RABGAP1L: variants seen among roughly 807,000 people sequenced by gnomAD.
RABGAP1L encodes the protein rab GTPase-activating protein 1-like.
A neutral mutation model predicts 137.7 loss-of-function variants in RABGAP1L; 63 were observed. That is an observed-to-expected ratio of 0.46 (90% CI 0.37 to 0.56). RABGAP1L has a LOEUF of 0.56. RABGAP1L is among the 20% of genes least tolerant of loss of function. RABGAP1L has a pLI of 0.00. For missense variants in RABGAP1L, 1,095 were observed against 1,244.0 expected (o/e 0.88, Z 1.80); for synonymous variants, 431 against 433.7 (o/e 0.99, Z 0.08).
intron 24 of RABGAP1L, among the ~76,000 whole-genome samples, chr1:174,984,121 C>T (rs1206818883): frequency 2.7e-5 from 4 of 148,664 alleles, no homozygotes; most frequent in Non-Finnish European, 4.4e-5. Context: ...CATAGGTATA[C>T]GTGTGCCATG....
In RABGAP1L at chr1:174,219,181, G is replaced by A. The variant is rs779367893; in HGVS notation, c.24G>A (p.Gln8=). MEVRASL[Q]KVSGSSDSVA... Reference sequence around the variant, plus strand: ...AAATGGAGGTCAGAGCTTCATTACAGAAGGTTAGTGGATCATCTGATTCTG... The same window carrying A: ...AAATGGAGGTCAGAGCTTCATTACAAAAGGTTAGTGGATCATCTGATTCTG... The change falls in exon 2 of 26, where the codon CAG becomes CAA. Residue 8 remains glutamine, a synonymous_variant. Transcript: ENST00000681986. 1.6e-5 allele frequency: 25 copies of A among 1,604,242 alleles called. No individual in the cohort carries two copies. The highest frequency in any genetic ancestry group is 2.1e-5 in the Non-Finnish European group (25 of 1,175,226).
At chr1:174,877,148 T>C (rs1653257213) in intron 19 of RABGAP1L, among the ~76,000 whole-genome samples, 1 of 152,162 alleles carries the variant, frequency 6.6e-6, no homozygotes, top group South Asian at 2.1e-4. Flanking sequence ...TGCTATAGGA[T>C]ATTTCTAGTT....
chr1:174,628,566 C>T lies in RABGAP1L; in HGVS notation c.1711-8809C>T, dbSNP rs1052103799. Among the ~76,000 whole-genome samples, 10 of 152,084 alleles carry T rather than the reference C, an allele frequency of 6.6e-5. No individual in the cohort carries two copies. In the East Asian group the frequency reaches 1.7e-3, roughly 26 times the overall value. ...CATTATGCATTTGATATTATCATCC[C>T]ATTTTACACATGAGGAAACTGTAGT... is the stretch of plus-strand genomic sequence containing the variant. On this transcript the variant is annotated intron_variant, in intron 13 of 25. Coordinates refer to ENST00000681986, the MANE Select transcript of RABGAP1L (RefSeq NM_001366446.1).
intron 13 of RABGAP1L, among the ~76,000 whole-genome samples, chr1:174,451,967 T>C (rs1655501007): frequency 6.6e-6 from 1 of 152,198 alleles, no homozygotes; most frequent in Admixed American, 6.5e-5. Flanking sequence ...AAAGGCTTTA[T>C]CATAGGCTGA....
intron 13 of RABGAP1L, among the ~76,000 whole-genome samples, chr1:174,539,367 T>A (rs1265562601): frequency 2.0e-5 from 3 of 152,222 alleles, no homozygotes; most frequent in South Asian, 4.2e-4. Context: ...TATGTATACA[T>A]GTGCCACGTG....
At position 174,300,956 on chromosome 1, in the gene RABGAP1L, T is replaced by G. The variant is rs1677645260; in HGVS notation, c.1324-4030T>G. 2.6e-5 allele frequency among the ~76,000 whole-genome samples: 4 copies of G among 152,270 alleles called. No homozygotes were observed. The South Asian group carries it at 8.3e-4, about 32-fold the overall frequency. On this transcript the variant is annotated intron_variant, in intron 10 of 25. Coordinates refer to ENST00000681986, the MANE Select transcript of RABGAP1L (RefSeq NM_001366446.1). ...TGACACAGGATTTTTCTTGGTCACTTTGCCAGTCGGAGACCTCTGGTTGGT... is the reference window on the plus strand; with the variant it reads ...TGACACAGGATTTTTCTTGGTCACTGTGCCAGTCGGAGACCTCTGGTTGGT...
intron 19 of RABGAP1L, among the ~76,000 whole-genome samples, chr1:174,869,520 C>A (rs1213220452): frequency 6.6e-6 from 1 of 152,190 alleles, no homozygotes; most frequent in Non-Finnish European, 1.5e-5. Flanking sequence ...CCATGTAGAA[C>A]TGTGAGTCAA....
intron 12 of RABGAP1L, among the ~76,000 whole-genome samples, chr1:174,385,900 G>T (rs534949747): frequency 6.6e-6 from 1 of 152,320 alleles, no homozygotes; most frequent in South Asian, 2.1e-4. Flanking sequence ...AAATAGTTTT[G>T]CTATAAAAGG....
At chr1:174,575,620 C>T (rs1006366058) in intron 13 of RABGAP1L, among the ~76,000 whole-genome samples, 1 of 152,170 alleles carries the variant, frequency 6.6e-6, no homozygotes, top group South Asian at 2.1e-4. Context: ...ATAACAATTG[C>T]ATTGCTCCCT....
rs1652897532 is a variant in RABGAP1L at position 174,875,302 on chromosome 1, A to G, written c.2340+63342A>G. 5.9e-5 allele frequency among the ~76,000 whole-genome samples: 9 copies of G among 152,294 alleles called. No individual in the cohort carries two copies. The South Asian group carries it at 1.2e-3, about 21-fold the overall frequency. On this transcript the variant is annotated intron_variant, in intron 19 of 25. Coordinates refer to ENST00000681986, the MANE Select transcript of RABGAP1L (RefSeq NM_001366446.1). ...TTAATGTACAGCACCTCTAGGTGCT[A>G]TTTAAAATTGTTTTTTCTGGTCCTT...
At chr1:174,421,749 TTTG>T (rs1449538310) in intron 13 of RABGAP1L, among the ~76,000 whole-genome samples, 3 of 152,200 alleles carry the variant, frequency 2.0e-5, no homozygotes, top group African/African-American at 4.8e-5. Flanking sequence ...GTTTGTGTTT[TTTG>T]TTGTTGTTTG....
At chr1:174,330,313 C>T (rs577715042) in intron 11 of RABGAP1L, among the ~76,000 whole-genome samples, 2 of 152,300 alleles carry the variant, frequency 1.3e-5, no homozygotes, top group South Asian at 4.1e-4. Context: ...GATGCAGTGG[C>T]TCATGCCTGT....
chr1:174,304,308 G>A (rs967401453), intron 10 of RABGAP1L, among the ~76,000 whole-genome samples: 1 of 151,682 alleles, frequency 6.6e-6, no homozygotes, highest in Non-Finnish European at 1.5e-5. Context: ...ATGTGTATAT[G>A]TATAAAATTT....
intron 1 of RABGAP1L, among the ~76,000 whole-genome samples, chr1:174,203,261 G>T (rs1418221480): frequency 2.6e-5 from 4 of 152,048 alleles, no homozygotes; most frequent in Non-Finnish European, 5.9e-5. Context: ...ATTGAATAGG[G>T]AGTCTTTTCC....
chr1:174,526,894 A>G (rs1160756104), intron 13 of RABGAP1L, among the ~76,000 whole-genome samples: 1 of 151,994 alleles, frequency 6.6e-6, no homozygotes, highest in Non-Finnish European at 1.5e-5. Flanking sequence ...TTGCTCTTCT[A>G]GTTCCTTGAG....
At chr1:174,425,994 A>G (rs898700853) in intron 13 of RABGAP1L, among the ~76,000 whole-genome samples, 3 of 152,198 alleles carry the variant, frequency 2.0e-5, no homozygotes. Flanking sequence ...AAGAAAAGTT[A>G]TTTGTTGAAT....
chr1:174,448,408 G>A lies in RABGAP1L; in HGVS notation c.1710+54263G>A, dbSNP rs141857283. On this transcript the variant is annotated intron_variant, in intron 13 of 25. Transcript: ENST00000681986. This position sits in a 1 kb window ranked among gnomAD's most constrained non-coding sequence, Gnocchi z 4.2. ...GAGTTAGCTGCTTGGTTCCTACTCT[G>A]TCACTTCTCCACTACTCCACAGGTG... 31 of 1,613,136 alleles carry A rather than the reference G, an allele frequency of 1.9e-5. No homozygotes were observed. The highest frequency in any genetic ancestry group is 3.3e-4 in the Middle Eastern group (2 of 6,082).
intron 13 of RABGAP1L, among the ~76,000 whole-genome samples, chr1:174,572,660 C>T (rs1004241083): frequency 1.3e-5 from 2 of 152,226 alleles, no homozygotes; most frequent in Non-Finnish European, 2.9e-5. Flanking sequence ...AGACTGCAGG[C>T]GTGAGCCACC....
intron 13 of RABGAP1L, among the ~76,000 whole-genome samples, chr1:174,470,716 A>G (rs529527935): frequency 2.0e-5 from 3 of 152,268 alleles, no homozygotes; most frequent in African/African-American, 7.2e-5. Flanking sequence ...ACAGTGAGCC[A>G]AGATGGCGGC....
Sources: allele counts gnomAD v4.1 joint callset (sites outside exome capture counted in the v4.1 genomes callset), GRCh38; gene constraint gnomAD v4.1.1; non-coding constraint Gnocchi (gnomAD v3.1); transcripts MANE v1.5; gene names NCBI Gene and HGNC (gene_info 2026-07-23, HGNC 2026-07-21).